Variants in MDGA2 observed in about 807,000 individuals in gnomAD.
The protein encoded by MDGA2 is MAM domain containing glycosylphosphatidylinositol anchor 2.
Under a neutral mutation model 117.8 loss-of-function variants are expected in MDGA2, and 40 were observed. The ratio of observed to expected loss-of-function variants is 0.34; its 90% CI spans 0.26 to 0.44. The LOEUF (loss-of-function observed/expected upper bound fraction) is 0.44. Ranked by LOEUF, MDGA2 falls within the 20% of genes least tolerant of loss-of-function variation. The pLI, the probability that MDGA2 is intolerant of heterozygous loss-of-function variation, is 1.00. For missense variants in MDGA2, 1,123 were observed against 1,250.6 expected, an observed-to-expected ratio of 0.90 and a Z score of 1.54; for synonymous variants, 452 against 439.0, an observed-to-expected ratio of 1.03 and a Z score of -0.37.
At position 47,200,534 on chromosome 14, in the gene MDGA2, C is replaced by CTTTTTTTTTTT. The variant is rs10639284; in HGVS notation, c.595+17476_595+17486dup. On this transcript the variant is annotated intron_variant, in intron 3 of 16. Coordinates refer to ENST00000399232, the MANE Select transcript of MDGA2 (RefSeq NM_001113498.3). ...TTCTTTTCTTTTTTCTTTTTCTTTT[C>CTTTTTTTTTTT]TTTTTTTTTTTTTTTGAGGAGTTAA... 6 of 421,912 alleles carry CTTTTTTTTTTT rather than the reference C, an allele frequency of 1.4e-5. 1 individual carries two copies. In the East Asian group the frequency reaches 1.7e-4, roughly 12 times the overall value. 26.1% of individuals were successfully genotyped at this position (421,912 alleles called of 1,614,324 possible).
Position 47,131,834 on chromosome 14 carries a change from T to C in MDGA2, c.805A>G (p.Ile269Val), listed in dbSNP as rs1166325654. ...GGTCGAAGATTCTTTAGTTTTAAGA[T>C]CTTTGTTTCACCCTGAAAATGTACA... The part of the protein sequence containing the change: ...EPFFTQGETK[I>V]LKLKNLRPQD... Residue 269 changes from isoleucine (I) to valine (V), a missense_variant, in exon 5 of 17, where the codon ATC becomes GTC. Ile to Val is a conservative substitution (Grantham distance 29). Around this residue, in one of 2 missense-constraint regions of MDGA2, gnomAD observed 890 missense variants for 1,050.3 expected, o/e 0.85. Coordinates refer to ENST00000399232, the MANE Select transcript of MDGA2 (RefSeq NM_001113498.3). 2 of 1,577,724 alleles carry C rather than the reference T, an allele frequency of 1.3e-6. No homozygotes were observed. The highest frequency in any genetic ancestry group is 1.7e-4 in the Middle Eastern group (1 of 5,960).
intron 10 of MDGA2, among the ~76,000 whole-genome samples, chr14:46,891,113 G>A (rs36013628): frequency 0.18 from 26,945 of 151,820 alleles, 3,118 homozygotes; most frequent in Non-Finnish European, 0.25. Flanking sequence ...CATTCCTAAT[G>A]TGTCAGTTTA....
At chr14:47,334,136 CA>C (rs1566743132) in intron 1 of MDGA2, among the ~76,000 whole-genome samples, 1 of 151,558 alleles carries the variant, frequency 6.6e-6, no homozygotes, top group African/African-American at 2.4e-5. Context: ...AAAAACAAAG[CA>C]AAAAACCTTC....
At chr14:47,261,100 T>C (rs1887781654) in intron 2 of MDGA2, among the ~76,000 whole-genome samples, 1 of 151,970 alleles carries the variant, frequency 6.6e-6, no homozygotes, top group African/African-American at 2.4e-5. Context: ...CTTAAGAGGG[T>C]TCAGAGGGTT....
intron 3 of MDGA2, among the ~76,000 whole-genome samples, chr14:47,204,168 T>C (rs944824058): frequency 1.3e-5 from 2 of 152,022 alleles, no homozygotes; most frequent in African/African-American, 2.4e-5. Context: ...TATCCAGCAG[T>C]TACAGTCAAT....
intron 1 of MDGA2, among the ~76,000 whole-genome samples, chr14:47,383,413 G>T (rs910797917): frequency 6.6e-6 from 1 of 151,850 alleles, no homozygotes; most frequent in Non-Finnish European, 1.5e-5. Flanking sequence ...TGCCTAATAA[G>T]GTCCATGTAT....
intron 1 of MDGA2, among the ~76,000 whole-genome samples, chr14:47,591,541 T>A (rs1030631333): frequency 1.3e-5 from 2 of 151,872 alleles, no homozygotes; most frequent in Non-Finnish European, 2.9e-5. Flanking sequence ...GATGTGAAAA[T>A]CCCCAATAAA....
At chr14:47,669,553 G>A (rs1296761232) in intron 1 of MDGA2, among the ~76,000 whole-genome samples, 1 of 152,056 alleles carries the variant, frequency 6.6e-6, no homozygotes, top group African/African-American at 2.4e-5. Context: ...TCAGTAATAT[G>A]ACCAACAAGG....
At chr14:47,214,744 T>G (rs1414472732) in intron 3 of MDGA2, among the ~76,000 whole-genome samples, 1 of 152,152 alleles carries the variant, frequency 6.6e-6, no homozygotes, top group South Asian at 2.1e-4. Flanking sequence ...TGTTAGCACA[T>G]AATTTTATTT....
intron 16 of MDGA2, 30 bp from the exon 17 acceptor site, chr14:46,842,049 A>T (rs1446985578): frequency 1.3e-6 from 2 of 1,507,766 alleles, no homozygotes; most frequent in Non-Finnish European, 1.8e-6. Flanking sequence ...ATGCAAACAA[A>T]AAAAGAAGAA....
intron 1 of MDGA2, among the ~76,000 whole-genome samples, chr14:47,506,305 C>A (rs1894510657): frequency 6.6e-6 from 1 of 152,056 alleles, no homozygotes; most frequent in Non-Finnish European, 1.5e-5. Flanking sequence ...AGCTAATTTT[C>A]CTCTAAAAAA....
At chr14:47,285,794 C>T (rs985126166) in intron 2 of MDGA2, among the ~76,000 whole-genome samples, 2 of 152,034 alleles carry the variant, frequency 1.3e-5, no homozygotes, top group African/African-American at 4.8e-5. Context: ...ATGCTTAATT[C>T]TTAGAGGTAA....
chr14:46,982,734 A>AAAAAAAAAAAAAAAAAAAAAT (rs1449356596), intron 8 of MDGA2, among the ~76,000 whole-genome samples: 4 of 130,326 alleles, frequency 3.1e-5, no homozygotes, highest in Non-Finnish European at 5.1e-5. Flanking sequence ...AAAAAAAAAA[A>AAAAAAAAAAAAAAAAAAAAAT]AATCATGTCA....
rs956493033 is a variant in MDGA2 at position 47,144,372 on chromosome 14, T to C, written c.596-98A>G. Reference sequence around the variant, plus strand: ...CCCAACCAAAAATGCATATTCCTCATTGATTGTATTACTTACCACTAGGTA... The same window carrying C: ...CCCAACCAAAAATGCATATTCCTCACTGATTGTATTACTTACCACTAGGTA... On this transcript the variant is annotated intron_variant, in intron 3 of 16. Transcript: ENST00000399232. 6.5e-6 allele frequency: 5 copies of C among 772,336 alleles called. No individual in the cohort carries two copies. The Admixed American group carries it at 8.4e-5, about 13-fold the overall frequency. 47.8% of individuals were successfully genotyped at this position (772,336 alleles called of 1,614,324 possible).
intron 10 of MDGA2, among the ~76,000 whole-genome samples, chr14:46,913,980 AT>A: frequency 6.6e-6 from 1 of 152,236 alleles, no homozygotes; most frequent in African/African-American, 2.4e-5. Flanking sequence ...TCAATTATGG[AT>A]TTTTTTAAAA....
At chr14:46,943,333 T>C (rs1885063389) in intron 9 of MDGA2, among the ~76,000 whole-genome samples, 1 of 151,998 alleles carries the variant, frequency 6.6e-6, no homozygotes, top group Non-Finnish European at 1.5e-5. Flanking sequence ...TGCATTTTTT[T>C]TTCTCAGTCC....
intron 7 of MDGA2, among the ~76,000 whole-genome samples, chr14:47,038,055 G>A (rs1179933716): frequency 6.6e-6 from 1 of 152,078 alleles, no homozygotes; most frequent in African/African-American, 2.4e-5. Context: ...TCAGCCTCCT[G>A]AGTAGCTGGG....
chr14:47,107,884 T>C (rs1470272997), intron 5 of MDGA2, among the ~76,000 whole-genome samples: 6 of 151,632 alleles, frequency 4.0e-5, no homozygotes, highest in African/African-American at 1.2e-4. Context: ...AGTAGAGGCC[T>C]TTCCTACAGG....
chr14:46,965,158 C>T (rs926760355), intron 8 of MDGA2, among the ~76,000 whole-genome samples: 2 of 120,738 alleles, frequency 1.7e-5, no homozygotes, highest in Non-Finnish European at 3.1e-5. Context: ...CTCCTGACCT[C>T]GTGATCCGCC....
Sources: allele counts gnomAD v4.1 joint callset (sites outside exome capture counted in the v4.1 genomes callset), GRCh38; gene constraint gnomAD v4.1.1; regional missense constraint gnomAD v4.1.1; transcripts MANE v1.5; gene names NCBI Gene and HGNC (gene_info 2026-07-23, HGNC 2026-07-21).